Variants in USP40 observed in about 807,000 individuals in gnomAD.
USP40 encodes the protein ubiquitin specific peptidase 40.
USP40 carries 143 observed loss-of-function variants against 166.2 expected under a neutral mutation model. The observed-to-expected ratio is 0.86, with a 90% CI of 0.75 to 0.99. The LOEUF is 0.99. Among genes scored for constraint, USP40 ranks in the 50% least tolerant of loss-of-function variants. USP40 has a pLI of 0.00. For missense variants in USP40, 1,444 were observed against 1,479.7 expected (o/e 0.98, Z 0.40); for synonymous variants, 498 against 524.0 (o/e 0.95, Z 0.68).
At chr2:233,508,042 T>C (rs1007838717) in intron 21 of USP40, among the ~76,000 whole-genome samples, 2 of 152,320 alleles carry the variant, frequency 1.3e-5, no homozygotes, top group African/African-American at 2.4e-5. Context: ...TCAACTCATA[T>C]TGCCATGGCC....
At chr2:233,496,948 C>T (rs1227061754) in intron 23 of USP40, 116 bp from the exon 24 acceptor site, 3 of 687,308 alleles carry the variant, frequency 4.4e-6, no homozygotes, top group Middle Eastern at 2.7e-4. Flanking sequence ...AATAATAAAG[C>T]AGATATGGAA....
intron 2 of USP40, among the ~76,000 whole-genome samples, chr2:233,563,350 G>A (rs1487014946): frequency 2.0e-5 from 3 of 152,156 alleles, no homozygotes; most frequent in Non-Finnish European, 4.4e-5. Context: ...CAACATCTAG[G>A]TGATGTGCCA....
At chr2:233,498,461 C>G in intron 23 of USP40, 87 bp downstream of exon 23, 2 of 1,203,246 alleles carry the variant, frequency 1.7e-6, no homozygotes, top group Admixed American at 5.0e-5. Context: ...GTAATTAAAG[C>G]TTTCTCATGA....
At chr2:233,546,877 G>A (rs964732035) in intron 8 of USP40, 7 of 152,170 alleles carry the variant, frequency 4.6e-5, no homozygotes, top group Admixed American at 3.9e-4. Flanking sequence ...ATAACAACAC[G>A]ATAAGGATTG....
chr2:233,511,280 A>C (rs756590701), intron 20 of USP40, among the ~76,000 whole-genome samples: 8 of 152,226 alleles, frequency 5.3e-5, no homozygotes, highest in Non-Finnish European at 7.3e-5. Context: ...TAAAATTAAT[A>C]AACTGTGTTT....
intron 13 of USP40, among the ~76,000 whole-genome samples, 181 bp downstream of exon 13, chr2:233,527,226 G>T (rs2068091445): frequency 6.6e-6 from 1 of 152,188 alleles, no homozygotes; most frequent in Non-Finnish European, 1.5e-5. Context: ...GAGCTGTGGA[G>T]AAAAGCCTCT....
In USP40 at chr2:233,554,498, A is replaced by C; in HGVS notation, c.575T>G (p.Val192Gly). 6.2e-7 allele frequency: 1 copy of C among 1,611,462 alleles called. No individual in the cohort carries two copies. The highest frequency in any genetic ancestry group is 8.5e-7 in the Non-Finnish European group (1 of 1,179,108). ...ATCTTCCAAACCGGATACATTTTTG[A>C]CTGCTACTGTTAGATCTAAGAAGTC... ...QEDFLDLTVA[V>G]KNVSGLEDAL... is the part of the protein sequence containing the mutation. The change falls in exon 6 of 32, where the codon GTC becomes GGC. Residue 192 changes from valine (V) to glycine (G), a missense_variant. Physicochemically the swap from Val to Gly is moderately radical, Grantham distance 109. Coordinates refer to ENST00000678225, the MANE Select transcript of USP40 (RefSeq NM_001365479.2).
chr2:233,540,175 A>C (rs2069278011), intron 10 of USP40, among the ~76,000 whole-genome samples: 1 of 151,748 alleles, frequency 6.6e-6, no homozygotes, highest in Admixed American at 6.6e-5. Context: ...GATAACCCCC[A>C]AGCAACACTG....
chr2:233,542,477 G>A (rs1240731282), intron 8 of USP40, 114 bp from the exon 9 acceptor site: 9 of 608,512 alleles, frequency 1.5e-5, no homozygotes, highest in South Asian at 6.1e-5. Flanking sequence ...TTGGGAGGCC[G>A]AGGCAGAGGG....
intron 21 of USP40, among the ~76,000 whole-genome samples, chr2:233,509,727 G>A (rs1353468502): frequency 6.6e-6 from 1 of 151,088 alleles, no homozygotes; most frequent in African/African-American, 2.4e-5. Flanking sequence ...TGTAATCCCA[G>A]CTACTCAGGA....
At chr2:233,503,209 A>G (rs917850496) in intron 21 of USP40, among the ~76,000 whole-genome samples, 8 of 152,220 alleles carry the variant, frequency 5.3e-5, no homozygotes, top group African/African-American at 1.7e-4. Context: ...GTCTTTTGAA[A>G]TAACCCAGTC....
In USP40 at chr2:233,479,705, C is replaced by T. The variant is rs551461944; in HGVS notation, c.3599+1498G>A. Among the ~76,000 whole-genome samples, 162 of 152,082 alleles carry T rather than the reference C, an allele frequency of 1.1e-3. 1 individual carries two copies. Among genetic ancestry groups the T allele is most frequent in the African/African-American group, 3.7e-3 (152 of 41,470 alleles). On this transcript the variant is annotated intron_variant, in intron 31 of 31. Transcript: ENST00000678225. ...ACCCCCGAAGCAGCCAGCGCTGCAG[C>T]CCCTCTCCCATATCCCAGGTCTCTG...
intron 11 of USP40, 88 bp from the exon 12 acceptor site, chr2:233,529,600 C>CT (rs56828432): frequency 0.79 from 737,369 of 929,852 alleles, 293,174 homozygotes; most frequent in East Asian, 0.9. Flanking sequence ...AAGGACTGTC[C>CT]TAGGAGCTAG....
At chr2:233,519,193 T>C (rs1176728805) in intron 18 of USP40, among the ~76,000 whole-genome samples, 16 of 152,204 alleles carry the variant, frequency 1.1e-4, no homozygotes, top group Admixed American at 1.0e-3. Context: ...ACTCTACACA[T>C]TTACTGATGA....
chr2:233,534,006 G>A (rs2068755238), intron 10 of USP40, among the ~76,000 whole-genome samples: 1 of 152,144 alleles, frequency 6.6e-6, no homozygotes, highest in Non-Finnish European at 1.5e-5. Context: ...AGGTCGCTAT[G>A]CCACAATCTA....
chr2:233,491,056 G>T, intron 26 of USP40, 111 bp downstream of exon 26: 1 of 873,292 alleles, frequency 1.1e-6, no homozygotes, highest in Non-Finnish European at 1.9e-6. Context: ...TATGACAAAT[G>T]CCATATCAGA....
At chr2:233,536,064 T>G (rs1293655695) in intron 10 of USP40, among the ~76,000 whole-genome samples, 1 of 152,020 alleles carries the variant, frequency 6.6e-6, no homozygotes. Flanking sequence ...TTATATGACA[T>G]GCAAAGAAAC....
At chr2:233,490,022 A>C (rs1051575800) in intron 26 of USP40, among the ~76,000 whole-genome samples, 1 of 152,182 alleles carries the variant, frequency 6.6e-6, no homozygotes, top group African/African-American at 2.4e-5. Flanking sequence ...CTTAGGTTGG[A>C]GCCTCTAAAA....
rs1211451236 is a variant in USP40, at chr2:233,493,539, C to T, written c.2803G>A (p.Val935Met). 7 of 1,612,242 alleles carry T rather than the reference C, an allele frequency of 4.3e-6. No individual in the cohort carries two copies. The highest frequency in any genetic ancestry group is 5.9e-6 in the Non-Finnish European group (7 of 1,179,166). The change falls in exon 25 of 32, where the codon GTG becomes ATG. Residue 935 changes from valine (V) to methionine (M), a missense_variant. Physicochemically the swap from Val to Met is conservative, Grantham distance 21. Transcript: ENST00000678225. This position sits in a 1 kb window ranked among gnomAD's most constrained non-coding sequence, Gnocchi z 4.7. ...TGAAGCTGGTACCACCAGATGGGCA[C>T]CTTCAGGAAACCCTGAAGAATGGAG... ...GQLPPLGFLK[V>M]PIWWYQLQGP...
Sources: gnomAD v4.1 joint callset for allele counts (sites outside exome capture counted in the v4.1 genomes callset) on GRCh38, gnomAD v4.1.1 for gene constraint, Gnocchi (gnomAD v3.1) non-coding constraint, MANE v1.5 for transcripts, NCBI Gene and HGNC (gene_info 2026-07-23, HGNC 2026-07-21) for gene names.